The following SOD3 variants were observed in gnomAD, a reference collection of about 807,000 sequenced individuals.
The protein encoded by SOD3 is superoxide dismutase 3, also known as extracellular superoxide dismutase [Cu-Zn].
Under a neutral mutation model 2.6 loss-of-function variants are expected in SOD3, and 3 were observed. The ratio of observed to expected loss-of-function variants is 1.13; its 90% confidence interval spans 0.52 to 2.93. The LOEUF is 2.93. SOD3 is among the 30% of genes most tolerant of loss of function. The probability of loss-of-function intolerance (pLI) is 0.04; values close to 1 mark genes in which losing one functional copy is unlikely to be tolerated. For missense variants in SOD3, 379 were observed against 370.4 expected (o/e 1.02, Z -0.19); for synonymous variants, 188 against 177.5 (o/e 1.06, Z -0.47).
Position 24,799,891 on chromosome 4 carries a change from G to A in SOD3, c.370G>A (p.Gly124Ser), listed in dbSNP as rs1323347753. The change falls in exon 2 of 2, where the codon GGC becomes AGC. Residue 124 changes from glycine to serine, a missense_variant. Physicochemically the swap from Gly to Ser is moderately conservative, Grantham distance 56. Coordinates refer to ENST00000382120, the MANE Select transcript of SOD3 (RefSeq NM_003102.4). Reference protein sequence around the residue: ...HVHQFGDLSQGCESTGPHYNP... With the variant: ...HVHQFGDLSQSCESTGPHYNP... ...GCACCAGTTCGGGGACCTGAGCCAG[G>A]GCTGCGAGTCCACCGGGCCCCACTA... 4 of 1,601,836 alleles carry A rather than the reference G, an allele frequency of 2.5e-6. No homozygotes were observed. The African/African-American group carries it at 5.3e-5, about 21-fold the overall frequency.
Position 24,799,565 on chromosome 4 carries a change from C to T in SOD3, c.44C>T (p.Ala15Val), listed in dbSNP as rs887303970. The stretch of plus-strand genomic sequence containing the variant: ...TCCTGCCTGCTCCTGGCAGCCGGTG[C>T]CTCGGACGCCTGGACGGGCGAGGAC... ...LCSCLLLAAG[A>V]SDAWTGEDSA... Residue 15 changes from alanine to valine, a missense_variant, in exon 2 of 2, where the codon GCC becomes GTC. Physicochemically the swap from Ala to Val is moderately conservative, Grantham distance 64. Transcript: ENST00000382120. 4 of 1,601,856 alleles carry T rather than the reference C, an allele frequency of 2.5e-6. No homozygotes were observed. Among genetic ancestry groups the T allele is most frequent in the African/African-American group, 1.3e-5 (1 of 74,924 alleles).
chr4:24,799,410 T>TG, intron 1 of SOD3, 96 bp from the exon 2 acceptor site: 2 of 1,419,730 alleles, frequency 1.4e-6, no homozygotes, highest in Admixed American at 2.4e-5. Context: ...CACTGGGGAC[T>TG]GGGGGGTTGG....
Position 24,799,540 on chromosome 4 carries a change from T to G in SOD3, c.19T>G (p.Ser7Ala), listed in dbSNP as rs1713768045. 3.1e-6 allele frequency: 5 copies of G among 1,600,106 alleles called. No individual in the cohort carries two copies. In the East Asian group the frequency reaches 1.1e-4, roughly 36 times the overall value. The part of the protein sequence containing the change: MLALLC[S>A]CLLLAAGASD... The stretch of plus-strand genomic sequence containing the variant: ...TCCAGCCATGCTGGCGCTACTGTGT[T>G]CCTGCCTGCTCCTGGCAGCCGGTGC... Residue 7 changes from serine to alanine, a missense_variant, in exon 2 of 2, where the codon TCC becomes GCC. By Grantham distance (99) the Ser-to-Ala change is moderately conservative. Transcript: ENST00000382120.
chr4:24,800,566 A>C lies in SOD3; in HGVS notation c.*322A>C. 4.4e-6 allele frequency: 1 copy of C among 227,108 alleles called. No homozygotes were observed. The highest frequency in any genetic ancestry group is 9.3e-6 in the Non-Finnish European group (1 of 107,728). The allele number at this position is 227,108 out of a possible 1,614,324, so 14.1% of individuals were successfully genotyped here. A position where few individuals can be genotyped will look rare whatever the true frequency, so the allele number is the denominator to read the frequency against. ...CCAGACCCTCCTTCCCCACCCCATA[A>C]GCCCTGAGACTCCCGCCTTTGACCT... On this transcript the variant is annotated 3_prime_UTR_variant, in exon 2 of 2. Coordinates refer to ENST00000382120, the MANE Select transcript of SOD3 (RefSeq NM_003102.4).
intron 1 of SOD3, among the ~76,000 whole-genome samples, chr4:24,796,435 C>CTTTTTTTTTTTTTTTTT (rs34368349): frequency 1.4e-5 from 1 of 71,938 alleles, no homozygotes; most frequent in Admixed American, 2.3e-4. Flanking sequence ...TCCTTCTTCT[C>CTTTTTTTTTTTTTTTTT]TTTTTTTTTT....
At position 24,796,435 on chromosome 4, in the gene SOD3, C is replaced by CTTTTTTTTTTTTTTTT. The variant is rs34368349; in HGVS notation, c.-17+795_-17+810dup. On this transcript the variant is annotated intron_variant, in intron 1 of 1. Transcript: ENST00000382120. ...TTTTCCTCCTCCTCCTCCTTCTTCT[C>CTTTTTTTTTTTTTTTT]TTTTTTTTTTTTTTTTTTTTTTTTT... Among the ~76,000 whole-genome samples, 7 of 71,938 alleles carry CTTTTTTTTTTTTTTTT rather than the reference C, an allele frequency of 9.7e-5. 1 individual carries two copies. Among genetic ancestry groups the CTTTTTTTTTTTTTTTT allele is most frequent in the East Asian group, 5.7e-4 (1 of 1,766 alleles). 47.2% of individuals were successfully genotyped at this position (71,938 alleles called of 152,430 possible).
intron 1 of SOD3, among the ~76,000 whole-genome samples, chr4:24,798,465 A>C (rs770247751): frequency 1.3e-4 from 19 of 151,820 alleles, no homozygotes; most frequent in Non-Finnish European, 2.1e-4. Flanking sequence ...CTCTGTGTGC[A>C]CCACCTGCAC....
rs2109071770 is a variant in SOD3 at position 24,800,224 on chromosome 4, A to G, written c.703A>G (p.Ser235Gly). The G allele has an allele frequency of 1.4e-6, 2 of 1,428,580 alleles. No homozygotes were observed. The highest frequency in any genetic ancestry group is 1.5e-5 in the African/African-American group (1 of 66,764). 88.5% of individuals were successfully genotyped at this position (1,428,580 alleles called of 1,614,324 possible). The change falls in exon 2 of 2, where the codon AGC (serine) becomes GGC (glycine). Residue 235 changes from serine (S) to glycine (G), a missense_variant. Ser to Gly is a moderately conservative substitution (Grantham distance 56, BLOSUM62 0). Transcript: ENST00000382120. Reference protein sequence around the residue: ...HSERKKRRRESECKAA With the variant: ...HSERKKRRREGECKAA ...AGAGCGCAAGAAGCGGCGGCGCGAG[A>G]GCGAGTGCAAGGCCGCCTGAGCGCG...
At position 24,800,385 on chromosome 4, in the gene SOD3, C is replaced by A; in HGVS notation, c.*141C>A. 1 of 886,882 alleles carries A rather than the reference C, an allele frequency of 1.1e-6. No individual in the cohort carries two copies. The highest frequency in any genetic ancestry group is 1.5e-6 in the Non-Finnish European group (1 of 647,872). The allele number at this position is 886,882 out of a possible 1,614,324, so 54.9% of individuals were successfully genotyped here. On this transcript the variant is annotated 3_prime_UTR_variant, in exon 2 of 2. Transcript: ENST00000382120. The stretch of plus-strand genomic sequence containing the variant: ...AAGTCTCCCCGCAGCCCTCTCCACC[C>A]AGAGGTCTCCCTATACCGAGACCCA...
intron 1 of SOD3, among the ~76,000 whole-genome samples, chr4:24,795,986 G>T (rs1026510916): frequency 6.6e-6 from 1 of 152,142 alleles, no homozygotes; most frequent in Non-Finnish European, 1.5e-5. Flanking sequence ...TGGGACAGCA[G>T]GTACTCTAAA....
At position 24,799,894 on chromosome 4, in the gene SOD3, T is replaced by C; in HGVS notation, c.373T>C (p.Cys125Arg). The C allele has an allele frequency of 6.2e-7, 1 of 1,601,544 alleles. No individual in the cohort carries two copies. Residue 125 changes from cysteine to arginine, a missense_variant, in exon 2 of 2, where the codon TGC (cysteine) becomes CGC (arginine). Coordinates refer to ENST00000382120, the MANE Select transcript of SOD3 (RefSeq NM_003102.4). ...VHQFGDLSQG[C>R]ESTGPHYNPL... Reference sequence around the variant, plus strand: ...CCAGTTCGGGGACCTGAGCCAGGGCTGCGAGTCCACCGGGCCCCACTACAA... The same window carrying C: ...CCAGTTCGGGGACCTGAGCCAGGGCCGCGAGTCCACCGGGCCCCACTACAA...
intron 1 of SOD3, among the ~76,000 whole-genome samples, chr4:24,797,334 T>C (rs1713695737): frequency 6.6e-6 from 1 of 152,218 alleles, no homozygotes; most frequent in Admixed American, 6.5e-5. Flanking sequence ...TTAGTGAACA[T>C]GTCACCTTGG....
At position 24,799,985 on chromosome 4, in the gene SOD3, G is replaced by C. The variant is rs1261132780; in HGVS notation, c.464G>C (p.Ser155Thr). 4 of 1,580,168 alleles carry C rather than the reference G, an allele frequency of 2.5e-6. No individual in the cohort carries two copies. The highest frequency in any genetic ancestry group is 3.4e-6 in the Non-Finnish European group (4 of 1,171,626). ...DFGNFAVRDG[S>T]LWRYRAGLAA... ...GGCAACTTCGCGGTCCGCGACGGCA[G>C]CCTCTGGAGGTACCGCGCCGGCCTG... Residue 155 changes from serine (S) to threonine (T), a missense_variant, in exon 2 of 2, where the codon AGC (serine) becomes ACC (threonine). Ser to Thr is a moderately conservative substitution (Grantham distance 58). Transcript: ENST00000382120.
In SOD3 at chr4:24,799,893, C is replaced by T; in HGVS notation, c.372C>T (p.Gly124=). 6.2e-7 allele frequency: 1 copy of T among 1,601,706 alleles called. No individual in the cohort carries two copies. Among genetic ancestry groups the T allele is most frequent in the Non-Finnish European group, 8.5e-7 (1 of 1,179,016 alleles). ...ACCAGTTCGGGGACCTGAGCCAGGG[C>T]TGCGAGTCCACCGGGCCCCACTACA... ...HVHQFGDLSQ[G]CESTGPHYNP... Residue 124 remains glycine (G), a synonymous_variant, in exon 2 of 2, where the codon GGC becomes GGT. Coordinates refer to ENST00000382120, the MANE Select transcript of SOD3 (RefSeq NM_003102.4).
Position 24,800,829 on chromosome 4 carries a change from A to T in SOD3, c.*585A>T, listed in dbSNP as rs546228701. 3.3e-5 allele frequency: 5 copies of T among 153,718 alleles called. No homozygotes were observed. Among genetic ancestry groups the T allele is most frequent in the African/African-American group, 9.6e-5 (4 of 41,552 alleles). The allele number at this position is 153,718 out of a possible 1,614,324, so 9.5% of individuals were successfully genotyped here. A position where few individuals can be genotyped will look rare whatever the true frequency, so the allele number is the denominator to read the frequency against. ...GGCAACCTTTGTGTTACAGATTAAA[A>T]ATTCAGCAATTCAGTACTGCGTCGA... is the stretch of plus-strand genomic sequence containing the variant. On this transcript the variant is annotated 3_prime_UTR_variant, in exon 2 of 2. Coordinates refer to ENST00000382120, the MANE Select transcript of SOD3 (RefSeq NM_003102.4).
intron 1 of SOD3, among the ~76,000 whole-genome samples, chr4:24,798,088 T>C (rs1404606432): frequency 1.3e-5 from 2 of 152,028 alleles, no homozygotes; most frequent in Non-Finnish European, 1.5e-5. Flanking sequence ...TCTCTCTCTG[T>C]CTTTCTTCTC....
chr4:24,800,235 G>C lies in SOD3; in HGVS notation c.714G>C (p.Lys238Asn). ...RKKRRRESEC[K>N]AA ...AGCGGCGGCGCGAGAGCGAGTGCAAGGCCGCCTGAGCGCGGCCCCCACCCG... is the reference window on the plus strand; with the variant it reads ...AGCGGCGGCGCGAGAGCGAGTGCAACGCCGCCTGAGCGCGGCCCCCACCCG... Residue 238 changes from lysine (K) to asparagine (N), a missense_variant, in exon 2 of 2, where the codon AAG (lysine) becomes AAC (asparagine). Coordinates refer to ENST00000382120, the MANE Select transcript of SOD3 (RefSeq NM_003102.4). The C allele has an allele frequency of 7.1e-7, 1 of 1,403,832 alleles. No homozygotes were observed. The highest frequency in any genetic ancestry group is 1.6e-5 in the South Asian group (1 of 62,144). 87.0% of individuals were successfully genotyped at this position (1,403,832 alleles called of 1,614,324 possible). A position where few individuals can be genotyped will look rare whatever the true frequency, so the allele number is the denominator to read the frequency against.
rs1315095003 is a variant in SOD3 at position 24,799,307 on chromosome 4, T to C, written c.-16-199T>C. On this transcript the variant is annotated intron_variant, in intron 1 of 1. Coordinates refer to ENST00000382120, the MANE Select transcript of SOD3 (RefSeq NM_003102.4). Reference sequence around the variant, plus strand: ...TCTTCAGATTGGGTCTCACCCATCTTTACAGCCACAGCACCTAACACAGTG... The same window carrying C: ...TCTTCAGATTGGGTCTCACCCATCTCTACAGCCACAGCACCTAACACAGTG... Among the ~76,000 whole-genome samples the C allele has an allele frequency of 2.0e-5, 3 of 152,242 alleles. No individual in the cohort carries two copies. The East Asian group carries it at 5.8e-4, about 30-fold the overall frequency.
intron 1 of SOD3, among the ~76,000 whole-genome samples, chr4:24,798,283 G>A (rs958481196): frequency 3.3e-5 from 5 of 152,052 alleles, no homozygotes; most frequent in Non-Finnish European, 5.9e-5. Context: ...ACCCGCCAGC[G>A]TCTCACCCTC....
Sources: allele counts gnomAD v4.1 joint callset (sites outside exome capture counted in the v4.1 genomes callset), GRCh38; gene constraint gnomAD v4.1.1; transcripts MANE v1.5; gene names NCBI Gene and HGNC (gene_info 2026-07-23, HGNC 2026-07-21).